HSH2D: variants seen among roughly 807,000 people sequenced by gnomAD.
HSH2D encodes hematopoietic SH2 domain-containing protein.
Under a neutral mutation model 21.5 loss-of-function variants are expected in HSH2D, and 16 were observed. That is an observed-to-expected ratio of 0.74 (90% CI 0.50 to 1.13). The LOEUF (loss-of-function observed/expected upper bound fraction) is 1.13. HSH2D is among the 50% of genes most tolerant of loss of function. HSH2D has a pLI of 0.00. For missense variants in HSH2D, 418 were observed against 441.4 expected (o/e 0.95, Z 0.47); for synonymous variants, 172 against 184.7 (o/e 0.93, Z 0.56).
At chr19:16,143,393 C>T (rs982497370), upstream of HSH2D, among the ~76,000 whole-genome samples, 2 of 152,262 alleles carry the variant, frequency 1.3e-5, no homozygotes, top group Middle Eastern at 3.4e-3. Context: ...CCCCGTTCTC[C>T]CTTTGTAATG....
upstream of HSH2D, among the ~76,000 whole-genome samples, chr19:16,139,314 G>A (rs1449734345): frequency 3.9e-5 from 6 of 152,240 alleles, no homozygotes; most frequent in African/African-American, 1.4e-4. Flanking sequence ...GGGCACAGTG[G>A]CTCATGCCTA....
At chr19:16,149,620 C>T (rs1260511632) in intron 2 of HSH2D, among the ~76,000 whole-genome samples, 1 of 148,398 alleles carries the variant, frequency 6.7e-6, no homozygotes, top group Non-Finnish European at 1.5e-5. Flanking sequence ...GAGTTCCGCT[C>T]CTGTTGCCCA....
Position 16,157,424 on chromosome 19 carries a change from TGTC to T in HSH2D, c.693_695del (p.Ser232del), listed in dbSNP as rs1261055240. On this transcript the variant is annotated inframe_deletion, in exon 6 of 6. Transcript: ENST00000613986. This position sits in a 1 kb window ranked among gnomAD's most constrained non-coding sequence, Gnocchi z 4.4. ...AAAAGCCACCTCGCCACTGTGAACT[TGTC>T]GTCACTCTTGGATGTCCGGAGATCC... 1.2e-6 allele frequency: 2 copies of T among 1,613,726 alleles called. No individual in the cohort carries two copies. Among genetic ancestry groups the T allele is most frequent in the Non-Finnish European group, 1.7e-6 (2 of 1,179,826 alleles).
chr19:16,146,511 A>G (rs2091071151), intron 1 of HSH2D, among the ~76,000 whole-genome samples: 1 of 152,038 alleles, frequency 6.6e-6, no homozygotes, highest in East Asian at 1.9e-4. Flanking sequence ...CCCTGTTTCT[A>G]CAAAAAAATT....
At chr19:16,136,067 C>A (rs926834718) in intron 1 of HSH2D, among the ~76,000 whole-genome samples, 1 of 152,148 alleles carries the variant, frequency 6.6e-6, no homozygotes, top group Non-Finnish European at 1.5e-5. Flanking sequence ...AACTCCCTTC[C>A]CACCTGACCA....
At position 16,138,162 on chromosome 19, in the gene HSH2D, C is replaced by A. The variant is rs537875029; in HGVS notation, c.-323-3779C>A. Among the ~76,000 whole-genome samples the A allele has an allele frequency of 4.6e-4, 70 of 152,304 alleles. No individual in the cohort carries two copies. The East Asian group carries it at 0.013, about 29-fold the overall frequency. On this transcript the variant is annotated intron_variant, in intron 1 of 7. Transcript: ENST00000616645. The stretch of plus-strand genomic sequence containing the variant: ...GAATTACAGGTGTGAGCCACCGTGT[C>A]CAGCCAGTTCTGGACATTTCATATC...
upstream of HSH2D, among the ~76,000 whole-genome samples, chr19:16,139,538 C>T (rs2090985504): frequency 6.6e-6 from 1 of 152,142 alleles, no homozygotes; most frequent in Admixed American, 6.5e-5. Context: ...GCTATGATGG[C>T]ACAGTGCACT....
chr19:16,148,775 CT>C lies in HSH2D; in HGVS notation c.26del (p.Leu9HisfsTer74). The C allele has an allele frequency of 6.2e-7, 1 of 1,613,984 alleles. No individual in the cohort carries two copies. The highest frequency in any genetic ancestry group is 8.5e-7 in the Non-Finnish European group (1 of 1,179,894). On this transcript the variant is annotated frameshift_variant, in exon 2 of 6. Coordinates refer to ENST00000613986, the MANE Select transcript of HSH2D (RefSeq NM_001382417.1). LOFTEE classifies it high-confidence loss of function. MTEAGKLPLPLPPRLDWFV... is the reference protein window; with the variant it reads MTEAGKLPXPLPPRLDWFV... Reference sequence around the variant, plus strand: ...TATGACAGAGGCCGGGAAGCTGCCCCTACCGCTACCCCCACGGCTGGACTGG... The same window carrying C: ...TATGACAGAGGCCGGGAAGCTGCCCCACCGCTACCCCCACGGCTGGACTGG...
chr19:16,138,659 T>C (rs1030187854), intron 1 of HSH2D, among the ~76,000 whole-genome samples: 1 of 152,074 alleles, frequency 6.6e-6, no homozygotes, highest in African/African-American at 2.4e-5. Flanking sequence ...GGTTTCACCA[T>C]GTTGGCCAGG....
At position 16,149,211 on chromosome 19, in the gene HSH2D, C is replaced by G. The variant is rs180957782; in HGVS notation, c.125+336C>G. 4.0e-3 allele frequency among the ~76,000 whole-genome samples: 611 copies of G among 152,166 alleles called. 8 individuals carry two copies. The highest frequency in any genetic ancestry group is 0.013 in the African/African-American group (539 of 41,506). ...GCATGCAGCCTCAGAATCTTTCTCT[C>G]TTTCTTTTTGAGACAGGGTCTCACT... On this transcript the variant is annotated intron_variant, in intron 2 of 5. Coordinates refer to ENST00000613986, the MANE Select transcript of HSH2D (RefSeq NM_001382417.1).
chr19:16,138,925 C>G (rs141404598), upstream of HSH2D, among the ~76,000 whole-genome samples: 492 of 151,974 alleles, frequency 3.2e-3, no homozygotes, highest in African/African-American at 0.011. Context: ...GTGGCATGAT[C>G]TCAGCTCACT....
intron 1 of HSH2D, among the ~76,000 whole-genome samples, 199 bp from the exon 2 acceptor site, chr19:16,148,525 A>T (rs778396298): frequency 1.3e-5 from 2 of 152,034 alleles, no homozygotes; most frequent in Admixed American, 6.6e-5. Flanking sequence ...GGCTCAAGCA[A>T]TCCTCCCACC....
intron 4 of HSH2D, 123 bp downstream of exon 4, chr19:16,153,331 TC>T: frequency 1.0e-6 from 1 of 972,168 alleles, no homozygotes; most frequent in Non-Finnish European, 1.5e-6. Flanking sequence ...CCTTGGCCCC[TC>T]CGGCCCCACC....
In HSH2D at chr19:16,154,277, G is replaced by C. The variant is rs561999635; in HGVS notation, c.382-122G>C. On this transcript the variant is annotated intron_variant, in intron 4 of 5. Transcript: ENST00000613986. Reference sequence around the variant, plus strand: ...CATATTTTCTTATAACGCTTAGTGGGCGTGGCCTAGGTACTAAGAAACTGC... The same window carrying C: ...CATATTTTCTTATAACGCTTAGTGGCCGTGGCCTAGGTACTAAGAAACTGC... 478 of 593,974 alleles carry C rather than the reference G, an allele frequency of 8.0e-4. 2 individuals carry two copies. In the African/African-American group the frequency reaches 8.4e-3, roughly 10 times the overall value. 36.8% of individuals were successfully genotyped at this position (593,974 alleles called of 1,614,324 possible).
At position 16,158,154 on chromosome 19, in the gene HSH2D, C is replaced by A. The variant is rs1000674344; in HGVS notation, c.*360C>A. On this transcript the variant is annotated 3_prime_UTR_variant, in exon 6 of 6. Transcript: ENST00000613986. The stretch of plus-strand genomic sequence containing the variant: ...AGGATAAGAGGCGTGACCAAGGCCA[C>A]AGAGCTATGGGTGTCAGCACCAGGA... The A allele has an allele frequency of 6.5e-5, 13 of 199,946 alleles. No homozygotes were observed. The highest frequency in any genetic ancestry group is 4.4e-4 in the Admixed American group (8 of 18,026). 12.4% of individuals were successfully genotyped at this position (199,946 alleles called of 1,614,324 possible).
intron 1 of HSH2D, among the ~76,000 whole-genome samples, chr19:16,144,139 A>C (rs568940101): frequency 6.6e-6 from 1 of 152,182 alleles, no homozygotes; most frequent in South Asian, 2.1e-4. Flanking sequence ...GCTGTTCACC[A>C]GCAAAGACCC....
chr19:16,146,771 G>A (rs1424633779), intron 1 of HSH2D, among the ~76,000 whole-genome samples: 2 of 151,086 alleles, frequency 1.3e-5, no homozygotes, highest in Non-Finnish European at 2.9e-5. Flanking sequence ...TTGCCATTTT[G>A]TCATTTCCTT....
At chr19:16,152,807 G>A (rs766113424) in intron 3 of HSH2D, 166 bp downstream of exon 3, 37 of 757,466 alleles carry the variant, frequency 4.9e-5, no homozygotes, top group Non-Finnish European at 7.2e-5. Flanking sequence ...GCTTTTGTCC[G>A]TAGTGGCATG....
chr19:16,158,217 ATC>A lies in HSH2D; in HGVS notation c.*425_*426del, dbSNP rs2145068790. On this transcript the variant is annotated 3_prime_UTR_variant, in exon 6 of 6. Coordinates refer to ENST00000613986, the MANE Select transcript of HSH2D (RefSeq NM_001382417.1). The stretch of plus-strand genomic sequence containing the variant: ...TGAATCCGAGCCCTTTTCCCATATC[ATC>A]TGTTTGTTCTGTTGTCTAAAAGCAC... 6.1e-6 allele frequency: 1 copy of A among 163,038 alleles called. No individual in the cohort carries two copies. The highest frequency in any genetic ancestry group is 1.8e-4 in the South Asian group (1 of 5,558). The allele number at this position is 163,038 out of a possible 1,614,324, so 10.1% of individuals were successfully genotyped here. A position where few individuals can be genotyped will look rare whatever the true frequency, so the allele number is the denominator to read the frequency against.
Sources: allele counts gnomAD v4.1 joint callset (sites outside exome capture counted in the v4.1 genomes callset), GRCh38; gene constraint gnomAD v4.1.1; non-coding constraint Gnocchi (gnomAD v3.1); transcripts MANE v1.5; gene names NCBI Gene and HGNC (gene_info 2026-07-23, HGNC 2026-07-21).